The following PIEZO2 variants were observed in gnomAD, a reference collection of about 807,000 sequenced individuals.
The protein encoded by PIEZO2 is piezo-type mechanosensitive ion channel component 2.
In PIEZO2, 172 loss-of-function variants were observed where a neutral mutation model predicts 337.3. The ratio of observed to expected loss-of-function variants is 0.51; its 90% CI spans 0.45 to 0.58. The LOEUF (loss-of-function observed/expected upper bound fraction) is 0.58. Ranked by LOEUF, PIEZO2 falls within the 20% of genes least tolerant of loss-of-function variation. The pLI is 0.00. For missense variants in PIEZO2, 3,028 were observed against 3,391.3 expected (o/e 0.89, Z 2.66); for synonymous variants, 1,251 against 1,228.5 (o/e 1.02, Z -0.38).
chr18:10,979,635 A>G lies in PIEZO2; in HGVS notation c.186T>C (p.Ser62=). 2 of 1,535,680 alleles carry G rather than the reference A, an allele frequency of 1.3e-6. No individual in the cohort carries two copies. The highest frequency in any genetic ancestry group is 1.7e-6 in the Non-Finnish European group (2 of 1,145,762). ...GGAAGGAAAGACTGATGAAGCACAG[A>G]GACTTTAATAACCGTCCCGTATGTC... The part of the protein sequence containing the change: ...MQGHTGRLLK[S]LCFISLSFLL... Residue 62 remains serine (S), a synonymous_variant, in exon 3 of 56, where the codon TCT becomes TCC. Coordinates refer to ENST00000674853, the MANE Select transcript of PIEZO2 (RefSeq NM_001378183.1). This position sits in a 1 kb window ranked among gnomAD's most constrained non-coding sequence, Gnocchi z 4.0.
At chr18:10,886,262 A>T (rs2042575052) in intron 4 of PIEZO2, among the ~76,000 whole-genome samples, 1 of 136,402 alleles carries the variant, frequency 7.3e-6, no homozygotes, top group Admixed American at 7.6e-5. Context: ...TCCTGGGATG[A>T]GACATTTCAA....
In PIEZO2 at chr18:10,833,089, A is replaced by G. The variant is rs905155625; in HGVS notation, c.917+22264T>C. Among the ~76,000 whole-genome samples the G allele has an allele frequency of 1.3e-5, 2 of 152,164 alleles. No homozygotes were observed. Among genetic ancestry groups the G allele is most frequent in the Non-Finnish European group, 2.9e-5 (2 of 68,028 alleles). ...GCTGGCAGCTCTTGGCAGACATGCC[A>G]TCGAGAGAAATCTCAGCCCCAGAAG... On this transcript the variant is annotated intron_variant, in intron 7 of 55. Transcript: ENST00000674853. This position sits in a 1 kb window ranked among gnomAD's most constrained non-coding sequence, Gnocchi z 4.7.
chr18:10,901,007 G>A (rs1210852113), intron 4 of PIEZO2, among the ~76,000 whole-genome samples: 2 of 152,112 alleles, frequency 1.3e-5, no homozygotes, highest in Non-Finnish European at 2.9e-5. Context: ...GAAAAGAATA[G>A]AAAAAAGATT....
chr18:10,992,369 A>G (rs1445524938), intron 2 of PIEZO2, among the ~76,000 whole-genome samples: 2 of 152,174 alleles, frequency 1.3e-5, no homozygotes, highest in Non-Finnish European at 2.9e-5. Context: ...TTTAGGTCTT[A>G]TGTTTAAGTG....
At chr18:10,721,621 A>T (rs1446261988) in intron 36 of PIEZO2, among the ~76,000 whole-genome samples, 2 of 152,190 alleles carry the variant, frequency 1.3e-5, no homozygotes, top group African/African-American at 4.8e-5. Flanking sequence ...ACTAAAAATT[A>T]AAACGAACTC....
Position 10,767,188 on chromosome 18 carries a change from A to C in PIEZO2, c.2946+2960T>G, listed in dbSNP as rs2038400839. Among the ~76,000 whole-genome samples, 1 of 152,170 alleles carries C rather than the reference A, an allele frequency of 6.6e-6. No homozygotes were observed. Among genetic ancestry groups the C allele is most frequent in the Non-Finnish European group, 1.5e-5 (1 of 68,036 alleles). On this transcript the variant is annotated intron_variant, in intron 21 of 55. Transcript: ENST00000674853. The surrounding 1 kb of genome is among the most constrained non-coding windows in gnomAD (Gnocchi z 4.2). ...CAAAAGGAGGAGAAAATGTTTATGTATACTATATATATATTTAAATCTAGA... is the reference window on the plus strand; with the variant it reads ...CAAAAGGAGGAGAAAATGTTTATGTCTACTATATATATATTTAAATCTAGA...
At chr18:10,827,344 TCA>T (rs2040705267) in intron 7 of PIEZO2, among the ~76,000 whole-genome samples, 1 of 152,234 alleles carries the variant, frequency 6.6e-6, no homozygotes. Flanking sequence ...TGTATATTCC[TCA>T]GTTTTCATTT....
intron 1 of PIEZO2, among the ~76,000 whole-genome samples, chr18:11,079,975 C>T (rs1472381502): frequency 3.3e-5 from 5 of 152,110 alleles, no homozygotes; most frequent in Non-Finnish European, 7.4e-5. Context: ...GTAGGACTGA[C>T]CTATTAGGTA....
chr18:11,058,315 C>T (rs560657311), intron 2 of PIEZO2, among the ~76,000 whole-genome samples: 1 of 152,200 alleles, frequency 6.6e-6, no homozygotes, highest in East Asian at 1.9e-4. Context: ...AGACCAACCA[C>T]AAAGTTGGGG....
At chr18:11,089,973 A>T (rs533518203) in intron 1 of PIEZO2, among the ~76,000 whole-genome samples, 1 of 152,222 alleles carries the variant, frequency 6.6e-6, no homozygotes. Context: ...AGGGAAGAGC[A>T]TAAGAGTGTA....
At chr18:10,825,321 T>C (rs1410349291) in intron 7 of PIEZO2, among the ~76,000 whole-genome samples, 1 of 152,184 alleles carries the variant, frequency 6.6e-6, no homozygotes, top group Non-Finnish European at 1.5e-5. Flanking sequence ...TTCTGTGGAA[T>C]GCCCCTTTGT....
rs116059923 is a variant in PIEZO2 at position 10,963,924 on chromosome 18, G to T, written c.286+15611C>A. ...TTCACAATAAAAAGGAATGTGGGAG[G>T]GGGGAGTAGAAAGTGGAGAAAGAGA... is the stretch of plus-strand genomic sequence containing the variant. On this transcript the variant is annotated intron_variant, in intron 3 of 55. Coordinates refer to ENST00000674853, the MANE Select transcript of PIEZO2 (RefSeq NM_001378183.1). Among the ~76,000 whole-genome samples, 758 of 152,230 alleles carry T rather than the reference G, an allele frequency of 5.0e-3. 13 individuals carry two copies. The highest frequency in any genetic ancestry group is 0.017 in the African/African-American group (712 of 41,530).
In PIEZO2 at chr18:10,988,013, A is replaced by C. The variant is rs1367660142; in HGVS notation, c.161-8353T>G. ...AGATACCACCTCTGCTGTGGTCTGA[A>C]TGTGACCCCCAAAATTCATATGTTG... On this transcript the variant is annotated intron_variant, in intron 2 of 55. Coordinates refer to ENST00000674853, the MANE Select transcript of PIEZO2 (RefSeq NM_001378183.1). This position sits in a 1 kb window ranked among gnomAD's most constrained non-coding sequence, Gnocchi z 4.8. Among the ~76,000 whole-genome samples, 1 of 152,142 alleles carries C rather than the reference A, an allele frequency of 6.6e-6. No individual in the cohort carries two copies. The highest frequency in any genetic ancestry group is 1.9e-4 in the East Asian group (1 of 5,196).
chr18:11,031,426 G>GA lies in PIEZO2; in HGVS notation c.160+34700dup, dbSNP rs997493082. 4.7e-5 allele frequency among the ~76,000 whole-genome samples: 7 copies of GA among 150,278 alleles called. No homozygotes were observed. The highest frequency in any genetic ancestry group is 2.1e-4 in the South Asian group (1 of 4,790). On this transcript the variant is annotated intron_variant, in intron 2 of 55. Coordinates refer to ENST00000674853, the MANE Select transcript of PIEZO2 (RefSeq NM_001378183.1). The surrounding 1 kb of genome is among the most constrained non-coding windows in gnomAD (Gnocchi z 4.7). ...CTCTTAATTCTTACATTTTATACCAGAAAAAAAAATTAGTGAACACTACTA... is the reference window on the plus strand; with the variant it reads ...CTCTTAATTCTTACATTTTATACCAGAAAAAAAAAATTAGTGAACACTACTA...
chr18:10,801,378 G>A lies in PIEZO2; in HGVS notation c.1239+12C>T. 14 of 1,476,062 alleles carry A rather than the reference G, an allele frequency of 9.5e-6. No homozygotes were observed. The highest frequency in any genetic ancestry group is 1.3e-5 in the Non-Finnish European group (14 of 1,091,130). The allele number at this position is 1,476,062 out of a possible 1,614,324, so 91.4% of individuals were successfully genotyped here. ...ACACATGCATAAATGATAATTCTAAGGGTATACTAACATCAGATGGTTTGT... is the reference window on the plus strand; with the variant it reads ...ACACATGCATAAATGATAATTCTAAAGGTATACTAACATCAGATGGTTTGT... On this transcript the variant is annotated intron_variant, in intron 10 of 55. Transcript: ENST00000674853.
At position 10,883,528 on chromosome 18, in the gene PIEZO2, C is replaced by T. The variant is rs113224896; in HGVS notation, c.330-12113G>A. 1.6e-3 allele frequency among the ~76,000 whole-genome samples: 249 copies of T among 152,266 alleles called. 2 individuals are homozygous for T. The highest frequency in any genetic ancestry group is 3.1e-3 in the Non-Finnish European group (213 of 68,014). On this transcript the variant is annotated intron_variant, in intron 4 of 55. Transcript: ENST00000674853. ...CGTTAGATATACATATATAACTATA[C>T]ATTAGAGAAATACATTATGGAATTA...
At chr18:10,991,155 T>TATAC (rs1276013319) in intron 2 of PIEZO2, among the ~76,000 whole-genome samples, 3 of 140,550 alleles carry the variant, frequency 2.1e-5, no homozygotes, top group African/African-American at 5.2e-5. Flanking sequence ...GAAGGTTTTA[T>TATAC]ACACACACAC....
At position 10,784,238 on chromosome 18, in the gene PIEZO2, T is replaced by C. The variant is rs1598476124; in HGVS notation, c.2492+546A>G. 6.6e-6 allele frequency among the ~76,000 whole-genome samples: 1 copy of C among 152,220 alleles called. No individual in the cohort carries two copies. The highest frequency in any genetic ancestry group is 1.5e-5 in the Non-Finnish European group (1 of 68,036). The stretch of plus-strand genomic sequence containing the variant: ...AACAATGTATATTTATTGATGAGGA[T>C]AAAACAGCCGTAAGCTGCTAAAAGA... On this transcript the variant is annotated intron_variant, in intron 17 of 55. Coordinates refer to ENST00000674853, the MANE Select transcript of PIEZO2 (RefSeq NM_001378183.1). The surrounding 1 kb of genome is among the most constrained non-coding windows in gnomAD (Gnocchi z 4.5).
chr18:10,864,970 C>A (rs751073050), intron 5 of PIEZO2, among the ~76,000 whole-genome samples: 1 of 151,970 alleles, frequency 6.6e-6, no homozygotes, highest in African/African-American at 2.4e-5. Flanking sequence ...AGACAAGAGT[C>A]GGGAGAAGAG....
Sources: gnomAD v4.1 joint callset for allele counts (sites outside exome capture counted in the v4.1 genomes callset) on GRCh38, gnomAD v4.1.1 for gene constraint, Gnocchi (gnomAD v3.1) non-coding constraint, MANE v1.5 for transcripts, NCBI Gene and HGNC (gene_info 2026-07-23, HGNC 2026-07-21) for gene names.